TASOR2: variants seen among roughly 807,000 people sequenced by gnomAD.
TASOR2 encodes transcription activation suppressor family member 2, also known as protein TASOR 2.
Under a neutral mutation model 199.5 loss-of-function variants are expected in TASOR2, and 84 were observed. That is an observed-to-expected ratio of 0.42 (90% CI 0.35 to 0.50). TASOR2 has a LOEUF of 0.50. TASOR2 is among the 20% of genes least tolerant of loss of function. The pLI, the probability that TASOR2 is intolerant of heterozygous loss-of-function variation, is 0.02. For synonymous variants in TASOR2, 1,103 were observed against 1,046.6 expected (o/e 1.05, Z -1.04); for missense variants, 2,796 against 2,835.9 (o/e 0.99, Z 0.32).
chr10:5,749,653 G>C, exon 15 of TASOR2: 5 of 1,614,126 alleles, frequency 3.1e-6, no homozygotes, highest in Non-Finnish European at 4.2e-6. Flanking sequence ...TCATAATAGA[G>C]ATCTTAGAAA....
At chr10:5,714,087 T>G (rs1053840017) in intron 2 of TASOR2, 48 bp from the exon 3 acceptor site, 8 of 1,038,896 alleles carry the variant, frequency 7.7e-6, no homozygotes, top group Non-Finnish European at 9.9e-6. Context: ...GATTATAGCA[T>G]TTTTTCATTG....
chr10:5,734,328 A>G (rs936634999), intron 11 of TASOR2, among the ~76,000 whole-genome samples: 4 of 152,216 alleles, frequency 2.6e-5, no homozygotes, highest in Non-Finnish European at 5.9e-5. Flanking sequence ...ATTGTGTAAG[A>G]TAGTAGATTT....
At chr10:5,757,071 A>C (rs1365379920) in intron 16 of TASOR2, among the ~76,000 whole-genome samples, 3 of 152,252 alleles carry the variant, frequency 2.0e-5, no homozygotes, top group Admixed American at 6.5e-5. Context: ...CATTATATTT[A>C]CCAGCTAGTT....
At chr10:5,746,135 T>A (rs1564341191) in intron 14 of TASOR2, 44 bp from the exon 16 acceptor site, 2 of 1,488,362 alleles carry the variant, frequency 1.3e-6, no homozygotes, top group Non-Finnish European at 1.8e-6. Context: ...TAAAAAACAT[T>A]TTATATGACT....
At chr10:5,688,813 G>C (rs527655491) in intron 1 of TASOR2, among the ~76,000 whole-genome samples, 7 of 151,926 alleles carry the variant, frequency 4.6e-5, no homozygotes, top group African/African-American at 1.7e-4. Flanking sequence ...AGACCAGCCT[G>C]GGCAACATAG....
rs1171943239 is a variant in TASOR2 at position 5,687,948 on chromosome 10, C to T, written c.-288+2773C>T. 6.6e-6 allele frequency among the ~76,000 whole-genome samples: 1 copy of T among 151,950 alleles called. No individual in the cohort carries two copies. The highest frequency in any genetic ancestry group is 1.5e-5 in the Non-Finnish European group (1 of 67,976). The stretch of plus-strand genomic sequence containing the variant: ...TATTGGTACCTTTAAATATAATAAC[C>T]CATTACATCTTAACATATTTTATCT... On this transcript the variant is annotated intron_variant, in intron 1 of 20. Transcript: ENST00000328090. This position sits in a 1 kb window ranked among gnomAD's most constrained non-coding sequence, Gnocchi z 4.8.
chr10:5,730,591 G>A lies in TASOR2; in HGVS notation c.592G>A (p.Glu198Lys), dbSNP rs766709274. Residue 198 changes from glutamate (E) to lysine (K), a missense_variant, in exon 11 of 21, where the codon GAA becomes AAA. Glu to Lys is a moderately conservative substitution (Grantham distance 56). Around this residue, in one of 3 missense-constraint regions of TASOR2, gnomAD observed 847 missense variants for 887.4 expected, o/e 0.95. Coordinates refer to ENST00000328090, the Ensembl canonical transcript of TASOR2. This position sits in a 1 kb window ranked among gnomAD's most constrained non-coding sequence, Gnocchi z 4.1. Reference sequence around the variant, plus strand: ...AGAAACAAAGAAATCACTTCCTGAAGAAAGAATCCATCCAAACACATTAGT... The same window carrying A: ...AGAAACAAAGAAATCACTTCCTGAAAAAAGAATCCATCCAAACACATTAGT... The A allele has an allele frequency of 5.0e-6, 8 of 1,614,002 alleles. No homozygotes were observed. The African/African-American group carries it at 1.1e-4, about 22-fold the overall frequency.
intron 1 of TASOR2, among the ~76,000 whole-genome samples, chr10:5,702,661 TG>T (rs1491112098): frequency 1.2e-5 from 1 of 86,830 alleles, no homozygotes; most frequent in Admixed American, 1.2e-4. Context: ...TTTTTTTTTT[TG>T]GTAAGTAAGG....
Position 5,711,197 on chromosome 10 carries a change from T to C in TASOR2, c.-287-1626T>C, listed in dbSNP as rs181161950. Among the ~76,000 whole-genome samples, 1,105 of 152,260 alleles carry C rather than the reference T, an allele frequency of 7.3e-3. 7 individuals carry two copies. Among genetic ancestry groups the C allele is most frequent in the Non-Finnish European group, 1.0e-2 (679 of 67,946 alleles). On this transcript the variant is annotated intron_variant, in intron 1 of 20. Transcript: ENST00000328090. Reference sequence around the variant, plus strand: ...ACTTGGAAGTTTATTAAAAGATTTTTTAAATGCCTTGATAATTAAAGTATT... The same window carrying C: ...ACTTGGAAGTTTATTAAAAGATTTTCTAAATGCCTTGATAATTAAAGTATT...
At chr10:5,712,471 T>C in intron 1 of TASOR2, 1 of 1,231,792 alleles carries the variant, frequency 8.1e-7, no homozygotes, top group Non-Finnish European at 1.0e-6. Context: ...TTACTTGGAC[T>C]CTTCATCTGA....
At chr10:5,736,829 A>T (rs1263096082) in intron 12 of TASOR2, among the ~76,000 whole-genome samples, 2 of 151,416 alleles carry the variant, frequency 1.3e-5, no homozygotes, top group African/African-American at 4.9e-5. Flanking sequence ...TTTAACGGAG[A>T]GACTTCATTC....
chr10:5,763,732 T>A (rs912368251), exon 21 of TASOR2: 1 of 152,228 alleles, frequency 6.6e-6, no homozygotes, highest in African/African-American at 2.4e-5. Flanking sequence ...TAAAGACAAC[T>A]AAAAATAATC....
intron 1 of TASOR2, among the ~76,000 whole-genome samples, chr10:5,695,650 CTT>C (rs1316884033): frequency 1.3e-5 from 2 of 151,978 alleles, no homozygotes; most frequent in African/African-American, 2.4e-5. Context: ...GGAAGTCTCT[CTT>C]AAGATTATAG....
At chr10:5,759,087 A>C in intron 18 of TASOR2, 95 bp downstream of exon 19, 1 of 817,302 alleles carries the variant, frequency 1.2e-6, no homozygotes, top group Non-Finnish European at 2.0e-6. Flanking sequence ...GCTGCAGTGG[A>C]ATGGCCTTCA....
chr10:5,723,083 G>A (rs1211448842), intron 6 of TASOR2, among the ~76,000 whole-genome samples: 9 of 107,902 alleles, frequency 8.3e-5, no homozygotes, highest in Non-Finnish European at 1.2e-4. Context: ...ACGGAGTCTC[G>A]CTCTGTCGCC....
In TASOR2 at chr10:5,698,903, C is replaced by T. The variant is rs1837465442; in HGVS notation, c.-288+13728C>T. ...TGGTGGGAATATAAAATGGTGCAGC[C>T]ACTTTGAAATCAGCCTGGCAGTTTC... On this transcript the variant is annotated intron_variant, in intron 1 of 20. Transcript: ENST00000328090. The surrounding 1 kb of genome is among the most constrained non-coding windows in gnomAD (Gnocchi z 4.4). 6.6e-6 allele frequency among the ~76,000 whole-genome samples: 1 copy of T among 152,140 alleles called. No individual in the cohort carries two copies. Among genetic ancestry groups the T allele is most frequent in the Non-Finnish European group, 1.5e-5 (1 of 68,010 alleles).
intron 18 of TASOR2, 78 bp downstream of exon 19, chr10:5,759,070 G>T: frequency 1.0e-6 from 1 of 974,616 alleles, no homozygotes; most frequent in Non-Finnish European, 1.6e-6. Flanking sequence ...ATGGGCTCTA[G>T]CCTAGTGCTG....
At chr10:5,697,378 A>G (rs1837292182) in intron 1 of TASOR2, among the ~76,000 whole-genome samples, 1 of 152,218 alleles carries the variant, frequency 6.6e-6, no homozygotes, top group Non-Finnish European at 1.5e-5. Context: ...AGTTGCGCAG[A>G]AGAAGCATAT....
chr10:5,762,353 T>A (rs923254297), intron 19 of TASOR2, among the ~76,000 whole-genome samples, 179 bp from the exon 21 acceptor site: 1 of 151,844 alleles, frequency 6.6e-6, no homozygotes, highest in African/African-American at 2.4e-5. Flanking sequence ...CCACCCCCGA[T>A]GGAGGCATCT....
Sources: allele counts gnomAD v4.1 joint callset (sites outside exome capture counted in the v4.1 genomes callset), GRCh38; gene constraint gnomAD v4.1.1; regional missense constraint gnomAD v4.1.1; non-coding constraint Gnocchi (gnomAD v3.1); transcripts MANE v1.5; gene names NCBI Gene and HGNC (gene_info 2026-07-23, HGNC 2026-07-21).